PTN: variants seen among roughly 807,000 people sequenced by gnomAD.
PTN encodes the protein heparin affin regulatory protein.
A neutral mutation model predicts 24.1 loss-of-function variants in PTN; 18 were observed. The observed-to-expected ratio is 0.75, with a 90% CI of 0.52 to 1.11. PTN has a LOEUF of 1.11. Ranked by LOEUF, PTN falls within the 50% of genes least tolerant of loss-of-function variation. PTN has a pLI of 0.00. For missense variants in PTN, 163 were observed against 198.8 expected, an observed-to-expected ratio of 0.82 and a Z score of 1.08; for synonymous variants, 78 against 68.6, an observed-to-expected ratio of 1.14 and a Z score of -0.67.
intron 1 of PTN, among the ~76,000 whole-genome samples, chr7:137,332,171 C>A (rs763125859): frequency 4.6e-5 from 7 of 152,154 alleles, no homozygotes; most frequent in Non-Finnish European, 7.4e-5. Flanking sequence ...GCAGGACACC[C>A]AATTACGCAT....
intron 1 of PTN, among the ~76,000 whole-genome samples, chr7:137,276,177 C>A (rs1809356207): frequency 6.6e-6 from 1 of 152,126 alleles, no homozygotes; most frequent in African/African-American, 2.4e-5. Context: ...TAATGAAAGT[C>A]CATCTGGGAA....
chr7:137,264,675 G>T (rs972698607), intron 1 of PTN, among the ~76,000 whole-genome samples: 2 of 152,130 alleles, frequency 1.3e-5, no homozygotes, highest in Admixed American at 1.3e-4. Flanking sequence ...CTGGGTTTAG[G>T]GTGTTGCAAA....
At chr7:137,269,242 T>C (rs1361927892) in intron 1 of PTN, among the ~76,000 whole-genome samples, 1 of 152,240 alleles carries the variant, frequency 6.6e-6, no homozygotes, top group Admixed American at 6.5e-5. Context: ...CTTACTTTTA[T>C]CTAGTCTTTC....
chr7:137,282,013 C>T (rs535825301), intron 1 of PTN, among the ~76,000 whole-genome samples: 2 of 152,316 alleles, frequency 1.3e-5, no homozygotes, highest in South Asian at 4.1e-4. Context: ...CCAAACTACA[C>T]CTGTGCTCTC....
chr7:137,339,293 C>T (rs556136175), intron 1 of PTN, among the ~76,000 whole-genome samples: 3 of 151,948 alleles, frequency 2.0e-5, no homozygotes, highest in African/African-American at 7.2e-5. Context: ...ATTGTGAAAC[C>T]ATAGAGATAG....
chr7:137,337,628 G>A (rs147475127), intron 1 of PTN, among the ~76,000 whole-genome samples: 24 of 152,182 alleles, frequency 1.6e-4, no homozygotes, highest in African/African-American at 3.9e-4. Context: ...GTCTTGAATC[G>A]GCAACTATGA....
chr7:137,270,619 T>TTGCAAA (rs1256514493), intron 1 of PTN, among the ~76,000 whole-genome samples: 1 of 152,122 alleles, frequency 6.6e-6, no homozygotes, highest in East Asian at 1.9e-4. Flanking sequence ...TTTGTAAGAG[T>TTGCAAA]TGCAGCCTTT....
intron 4 of PTN, among the ~76,000 whole-genome samples, chr7:137,250,102 C>A (rs1376569561): frequency 6.6e-6 from 1 of 152,040 alleles, no homozygotes; most frequent in Non-Finnish European, 1.5e-5. Flanking sequence ...ATTTTCAGGA[C>A]CACCTTAGAG....
chr7:137,284,253 G>T (rs1024750201), intron 1 of PTN, among the ~76,000 whole-genome samples: 1 of 151,984 alleles, frequency 6.6e-6, no homozygotes, highest in Admixed American at 6.6e-5. Context: ...ACCGCGCCGG[G>T]CCGAGCATCA....
At chr7:137,316,382 G>A (rs1810072616) in intron 1 of PTN, among the ~76,000 whole-genome samples, 2 of 152,074 alleles carry the variant, frequency 1.3e-5, no homozygotes, top group African/African-American at 2.4e-5. Context: ...TTTTGATCTT[G>A]AGGGCATCGT....
rs904812109 is a variant in PTN, at chr7:137,343,634, C to G, written c.-197G>C. On this transcript the variant is annotated 5_prime_UTR_variant, in exon 1 of 5. Transcript: ENST00000348225. Reference sequence around the variant, plus strand: ...CTTTGGATTTTCCTCTGCTCTGGGGCTCTCTTGGCGGGATTTTTGGACTGG... The same window carrying G: ...CTTTGGATTTTCCTCTGCTCTGGGGGTCTCTTGGCGGGATTTTTGGACTGG... 1.3e-5 allele frequency: 7 copies of G among 518,724 alleles called. No individual in the cohort carries two copies. The highest frequency in any genetic ancestry group is 2.7e-5 in the Non-Finnish European group (7 of 259,824). 32.1% of individuals were successfully genotyped at this position (518,724 alleles called of 1,614,324 possible).
intron 1 of PTN, among the ~76,000 whole-genome samples, chr7:137,324,163 A>T (rs1343285718): frequency 6.6e-6 from 1 of 151,984 alleles, no homozygotes; most frequent in Non-Finnish European, 1.5e-5. Flanking sequence ...TACATGCCAA[A>T]TACATTACAC....
At chr7:137,300,849 A>T (rs1044291254) in intron 1 of PTN, among the ~76,000 whole-genome samples, 8 of 151,930 alleles carry the variant, frequency 5.3e-5, no homozygotes, top group Non-Finnish European at 1.0e-4. Flanking sequence ...TGCCCAGCTG[A>T]AGTTTCCATT....
intron 4 of PTN, 132 bp from the exon 5 acceptor site, chr7:137,228,207 C>G (rs182468174): frequency 4.7e-6 from 3 of 634,828 alleles, no homozygotes; most frequent in African/African-American, 3.7e-5. Context: ...CTTGGTAGTT[C>G]TCTTGGTAAA....
chr7:137,341,613 T>C (rs557269956), intron 1 of PTN, among the ~76,000 whole-genome samples: 1 of 152,280 alleles, frequency 6.6e-6, no homozygotes, highest in South Asian at 2.1e-4. Flanking sequence ...AAGCTCTAGC[T>C]TTGAGAACAT....
At chr7:137,305,599 C>T (rs1179453344) in intron 1 of PTN, among the ~76,000 whole-genome samples, 1 of 152,040 alleles carries the variant, frequency 6.6e-6, no homozygotes, top group Admixed American at 6.6e-5. Context: ...TAACTATTTG[C>T]ATTCTTCCTC....
intron 3 of PTN, 139 bp downstream of exon 3, chr7:137,253,325 T>C: frequency 1.2e-6 from 1 of 859,066 alleles, no homozygotes; most frequent in Non-Finnish European, 1.7e-6. Flanking sequence ...TGGCCTGAAA[T>C]GGGACCAGTC....
rs1022851983 is a variant in PTN, at chr7:137,251,378, G to A, written c.303C>T (p.Tyr101=). The A allele has an allele frequency of 3.7e-6, 6 of 1,613,932 alleles. No homozygotes were observed. The African/African-American group carries it at 4.0e-5, about 11-fold the overall frequency. ...WKKQFGAECK[Y]QFQAWGECDL... Reference sequence around the variant, plus strand: ...CACATTCTCCCCAGGCCTGGAACTGGTATTTGCACTCCGCTAAAGGCAGGG... The same window carrying A: ...CACATTCTCCCCAGGCCTGGAACTGATATTTGCACTCCGCTAAAGGCAGGG... Residue 101 remains tyrosine (Y), a synonymous_variant, in exon 4 of 5, where the codon TAC becomes TAT. Coordinates refer to ENST00000348225, the MANE Select transcript of PTN (RefSeq NM_002825.7).
chr7:137,251,476 C>T, intron 3 of PTN, 85 bp from the exon 4 acceptor site: 1 of 1,433,876 alleles, frequency 7.0e-7, no homozygotes, highest in Non-Finnish European at 9.6e-7. Flanking sequence ...TTGTTTGTAA[C>T]TTTTTTATTG....
Sources: gnomAD v4.1 joint callset for allele counts (sites outside exome capture counted in the v4.1 genomes callset) on GRCh38, gnomAD v4.1.1 for gene constraint, MANE v1.5 for transcripts, NCBI Gene and HGNC (gene_info 2026-07-23, HGNC 2026-07-21) for gene names.